Variants in POLR3A observed in about 807,000 individuals in gnomAD.
The protein encoded by POLR3A is RNA polymerase III subunit A.
Under a neutral mutation model 152.8 loss-of-function variants are expected in POLR3A, and 112 were observed. The observed-to-expected ratio is 0.73, with a 90% CI of 0.63 to 0.86. The LOEUF (loss-of-function observed/expected upper bound fraction) is 0.86, where lower values mean the gene tolerates loss of function less well. Ranked by LOEUF, POLR3A falls within the 40% of genes least tolerant of loss-of-function variation. POLR3A has a pLI of 0.00. For synonymous variants in POLR3A, 615 were observed against 652.1 expected, an observed-to-expected ratio of 0.94 and a Z score of 0.87; for missense variants, 1,385 against 1,743.1, an observed-to-expected ratio of 0.79 and a Z score of 3.66.
intron 1 of POLR3A, among the ~76,000 whole-genome samples, 156 bp downstream of exon 1, chr10:78,029,208 C>T (rs1019304617): frequency 4.6e-5 from 7 of 152,180 alleles, no homozygotes; most frequent in Admixed American, 2.6e-4. Flanking sequence ...TGCTCTTTGA[C>T]CAACGCTGGT....
intron 3 of POLR3A, among the ~76,000 whole-genome samples, 176 bp downstream of exon 3, chr10:78,025,442 TAAAC>T (rs1740462284): frequency 1.3e-5 from 2 of 152,194 alleles, no homozygotes; most frequent in African/African-American, 2.4e-5. Flanking sequence ...TCAAGGTAAA[TAAAC>T]AAAATAAATA....
At chr10:77,980,355 C>T in intron 29 of POLR3A, 82 bp from the exon 30 acceptor site, 1 of 1,371,486 alleles carries the variant, frequency 7.3e-7, no homozygotes, top group South Asian at 1.2e-5. Context: ...ACCTTCAATA[C>T]AATCAACAAA....
intron 21 of POLR3A, among the ~76,000 whole-genome samples, chr10:77,987,053 G>T (rs910417444): frequency 2.0e-5 from 3 of 152,276 alleles, no homozygotes; most frequent in South Asian, 2.1e-4. Context: ...GGATCAGCCA[G>T]CACCTTCCCC....
chr10:77,981,747 G>A lies in POLR3A; in HGVS notation c.3760-188C>T, dbSNP rs546156932. Among the ~76,000 whole-genome samples the A allele has an allele frequency of 1.1e-3, 167 of 151,932 alleles. 1 individual carries two copies. The highest frequency in any genetic ancestry group is 1.2e-3 in the Non-Finnish European group (82 of 67,958). On this transcript the variant is annotated intron_variant, in intron 28 of 30. Transcript: ENST00000372371. ...GGTCAGAGAAGTATGCTGGGAGGCC[G>A]GGCACAGTGGCTCATGCCTGTAATC...
intron 11 of POLR3A, among the ~76,000 whole-genome samples, chr10:78,011,646 C>A (rs1847467476): frequency 6.6e-6 from 1 of 152,176 alleles, no homozygotes; most frequent in South Asian, 2.1e-4. Flanking sequence ...GGTTTAGAGA[C>A]TCTCTCTGAG....
chr10:77,979,595 T>C (rs1847120885), intron 30 of POLR3A, among the ~76,000 whole-genome samples: 1 of 152,130 alleles, frequency 6.6e-6, no homozygotes, highest in South Asian at 2.1e-4. Context: ...AGAGCAAGGC[T>C]CTGCTGGTGG....
At chr10:77,983,825 T>G in intron 26 of POLR3A, 95 bp downstream of exon 26, 1 of 784,032 alleles carries the variant, frequency 1.3e-6, no homozygotes, top group East Asian at 2.6e-5. Context: ...TCTGCAATGC[T>G]TCCTCTGTCT....
At chr10:77,988,880 G>A (rs1035510447) in intron 21 of POLR3A, among the ~76,000 whole-genome samples, 2 of 152,160 alleles carry the variant, frequency 1.3e-5, no homozygotes, top group African/African-American at 4.8e-5. Context: ...GTTGGCACAG[G>A]AAAAACAGGA....
At chr10:77,993,765 T>C (rs1017814679) in intron 19 of POLR3A, among the ~76,000 whole-genome samples, 2 of 152,156 alleles carry the variant, frequency 1.3e-5, no homozygotes, top group African/African-American at 4.8e-5. Flanking sequence ...CAGACTTCAA[T>C]ATGAATTACG....
chr10:77,982,838 G>C (rs367836471), intron 26 of POLR3A, 21 bp from the exon 27 acceptor site: 197 of 1,610,120 alleles, frequency 1.2e-4, no homozygotes, highest in Non-Finnish European at 1.6e-4. Context: ...GCCAGGTGTA[G>C]GTGTTACTGA....
At position 78,019,241 on chromosome 10, in the gene POLR3A, A is replaced by C; in HGVS notation, c.1210T>G (p.Leu404Val). The change falls in exon 9 of 31, where the codon TTG (leucine) becomes GTG (valine). Residue 404 changes from leucine (L) to valine (V), a missense_variant. By Grantham distance (32) the Leu-to-Val change is conservative. Transcript: ENST00000372371. Reference protein sequence around the residue: ...EKVNKANINFLRKLVQNGPEV... With the variant: ...EKVNKANINFVRKLVQNGPEV... The stretch of plus-strand genomic sequence containing the variant: ...GGGCCGTTTTGAACCAGTTTCCTCA[A>C]GAAATTGATGTTTGCTTTGTTTACC... The C allele has an allele frequency of 6.2e-7, 1 of 1,613,966 alleles. No individual in the cohort carries two copies. The highest frequency in any genetic ancestry group is 8.5e-7 in the Non-Finnish European group (1 of 1,179,906).
At chr10:78,013,185 C>T (rs1033574125) in intron 11 of POLR3A, 14 of 240,826 alleles carry the variant, frequency 5.8e-5, no homozygotes, top group Middle Eastern at 1.7e-3. Flanking sequence ...TCTAAGAAGA[C>T]GAAGTATGTA....
At chr10:78,021,807 A>G in intron 7 of POLR3A, 53 bp downstream of exon 7, 1 of 1,612,098 alleles carries the variant, frequency 6.2e-7, no homozygotes. Context: ...ACACTCCTGA[A>G]AAAGGAACCA....
At chr10:77,994,152 C>T (rs1381602314) in intron 19 of POLR3A, among the ~76,000 whole-genome samples, 1 of 152,144 alleles carries the variant, frequency 6.6e-6, no homozygotes, top group Non-Finnish European at 1.5e-5. Context: ...GCAGCATGCT[C>T]CCACACTGAA....
chr10:77,976,165 T>C lies in POLR3A; in HGVS notation c.*1313A>G, dbSNP rs1847087362. 6.6e-6 allele frequency: 1 copy of C among 151,978 alleles called. No homozygotes were observed. The highest frequency in any genetic ancestry group is 1.5e-5 in the Non-Finnish European group (1 of 67,992). The allele number at this position is 151,978 out of a possible 1,614,324, so 9.4% of individuals were successfully genotyped here. ...TTTTTTTTGAGACAAGGTCTTGCTT[T>C]GTTGCCCAGGCTGGAGTGTAGTGGC... On this transcript the variant is annotated 3_prime_UTR_variant, in exon 31 of 31. Transcript: ENST00000372371.
At chr10:78,003,076 G>C (rs984507873) in intron 16 of POLR3A, among the ~76,000 whole-genome samples, 7 of 152,182 alleles carry the variant, frequency 4.6e-5, no homozygotes, top group African/African-American at 1.7e-4. Flanking sequence ...GGCATGTGAT[G>C]AGGTGACTTC....
chr10:78,027,918 T>C (rs1022212768), intron 1 of POLR3A, among the ~76,000 whole-genome samples: 2 of 152,178 alleles, frequency 1.3e-5, no homozygotes, highest in African/African-American at 4.8e-5. Context: ...GCACTTTCTC[T>C]GTTTTGTGAG....
At chr10:78,021,824 G>A (rs370500863) in intron 7 of POLR3A, 36 bp downstream of exon 7, 11 of 1,612,560 alleles carry the variant, frequency 6.8e-6, no homozygotes, top group Non-Finnish European at 9.3e-6. Context: ...ACCAAAGAGA[G>A]TGGGCTGGCT....
Position 78,024,959 on chromosome 10 carries a change from C to A in POLR3A, c.490+12G>T, listed in dbSNP as rs200073296. 1.9e-5 allele frequency: 30 copies of A among 1,613,730 alleles called. No individual in the cohort carries two copies. Among genetic ancestry groups the A allele is most frequent in the African/African-American group, 2.7e-5 (2 of 74,910 alleles). On this transcript the variant is annotated intron_variant, in intron 4 of 30. Transcript: ENST00000372371. ...AAGGGCTATTGCTTAGCCTTCTGTG[C>A]ATTCCACTCACCATTAAAAGCGCCA... is the stretch of plus-strand genomic sequence containing the variant.
Sources: allele counts gnomAD v4.1 joint callset (sites outside exome capture counted in the v4.1 genomes callset), GRCh38; gene constraint gnomAD v4.1.1; transcripts MANE v1.5; gene names NCBI Gene and HGNC (gene_info 2026-07-23, HGNC 2026-07-21).